Variants in KIAA1958 observed in about 807,000 individuals in gnomAD.
KIAA1958 encodes uncharacterized protein KIAA1958.
A neutral mutation model predicts 47.2 loss-of-function variants in KIAA1958; 14 were observed. The ratio of observed to expected loss-of-function variants is 0.30; its 90% CI spans 0.20 to 0.46. KIAA1958 has a LOEUF of 0.46. KIAA1958 is among the 20% of genes least tolerant of loss of function. The probability of loss-of-function intolerance (pLI) is 1.00; values close to 1 mark genes in which losing one functional copy is unlikely to be tolerated. For missense variants in KIAA1958, 803 were observed against 909.2 expected (o/e 0.88, Z 1.50); for synonymous variants, 354 against 353.3 (o/e 1.00, Z -0.02).
intron 2 of KIAA1958, among the ~76,000 whole-genome samples, chr9:112,575,456 T>C (rs1264411668): frequency 1.3e-5 from 2 of 151,834 alleles, no homozygotes; most frequent in Non-Finnish European, 1.5e-5. Context: ...TGACGTACCT[T>C]AGGGCTGAGA....
At chr9:112,533,510 G>A (rs1431055138) in intron 1 of KIAA1958, among the ~76,000 whole-genome samples, 1 of 149,506 alleles carries the variant, frequency 6.7e-6, no homozygotes, top group Admixed American at 6.7e-5. Context: ...GAACCCGGGA[G>A]ACGGAGCTTG....
chr9:112,621,507 A>G (rs970900428), intron 2 of KIAA1958, among the ~76,000 whole-genome samples: 1 of 152,224 alleles, frequency 6.6e-6, no homozygotes, highest in Non-Finnish European at 1.5e-5. Flanking sequence ...GCAGAACTAG[A>G]AAATGTCAGT....
intron 2 of KIAA1958, among the ~76,000 whole-genome samples, chr9:112,601,501 G>A (rs997834652): frequency 1.2e-4 from 19 of 152,058 alleles, no homozygotes; most frequent in African/African-American, 4.6e-4. Context: ...GACCTATCTG[G>A]GGACTTGTTA....
intron 1 of KIAA1958, among the ~76,000 whole-genome samples, chr9:112,547,308 A>G (rs1256624152): frequency 1.4e-5 from 2 of 147,884 alleles, no homozygotes; most frequent in Non-Finnish European, 3.0e-5. Flanking sequence ...AATCCAAGAG[A>G]TGGAGGTTGC....
chr9:112,563,065 G>GTCTCTCTCTCTCTC (rs1554724186), intron 1 of KIAA1958, among the ~76,000 whole-genome samples: 3 of 126,608 alleles, frequency 2.4e-5, no homozygotes, highest in African/African-American at 9.2e-5. Flanking sequence ...CTCTGTCTCT[G>GTCTCTCTCTCTCTC]TCTCTCTCTC....
chr9:112,626,364 T>TA (rs1244603618), intron 2 of KIAA1958, among the ~76,000 whole-genome samples: 4 of 152,182 alleles, frequency 2.6e-5, no homozygotes, highest in Non-Finnish European at 5.9e-5. Context: ...TTTAAAAAGG[T>TA]ACAGTGTGAT....
At position 112,492,991 on chromosome 9, in the gene KIAA1958, A is replaced by G. The variant is rs76044892; in HGVS notation, c.-25+5873A>G. 5.4e-3 allele frequency among the ~76,000 whole-genome samples: 759 copies of G among 141,076 alleles called. 9 individuals carry two copies. The highest frequency in any genetic ancestry group is 0.019 in the African/African-American group (716 of 37,262). 92.6% of individuals were successfully genotyped at this position (141,076 alleles called of 152,430 possible). ...GGTCTTGAACTCCTGGGCTCATGAT[A>G]TCCTCCTATCTGGGCCTCCCAAAGT... is the stretch of plus-strand genomic sequence containing the variant. On this transcript the variant is annotated intron_variant, in intron 1 of 3. Transcript: ENST00000337530.
At chr9:112,487,606 G>T (rs1472365737) in intron 1 of KIAA1958, among the ~76,000 whole-genome samples, 1 of 152,154 alleles carries the variant, frequency 6.6e-6, no homozygotes, top group Admixed American at 6.5e-5. Context: ...TTTCCTCCTC[G>T]GGTGGCTCGC....
chr9:112,653,629 G>A (rs188761096), intron 3 of KIAA1958, among the ~76,000 whole-genome samples: 3 of 152,200 alleles, frequency 2.0e-5, no homozygotes, highest in Non-Finnish European at 2.9e-5. Context: ...AGCAGGCCAC[G>A]TGCGGTCACA....
chr9:112,586,883 C>G (rs541152457), intron 2 of KIAA1958, among the ~76,000 whole-genome samples: 4 of 152,290 alleles, frequency 2.6e-5, no homozygotes, highest in Non-Finnish European at 4.4e-5. Context: ...TCAAACAAGT[C>G]AGTGTCAGGG....
intron 2 of KIAA1958, among the ~76,000 whole-genome samples, chr9:112,594,500 TGTG>T (rs1459562363): frequency 6.6e-6 from 1 of 152,204 alleles, no homozygotes; most frequent in African/African-American, 2.4e-5. Context: ...AGGTGTACAA[TGTG>T]GTTTCTTAGC....
chr9:112,566,402 C>T (rs1253558206), intron 1 of KIAA1958, among the ~76,000 whole-genome samples: 1 of 152,084 alleles, frequency 6.6e-6, no homozygotes, highest in Non-Finnish European at 1.5e-5. Flanking sequence ...AGAGTTCTCC[C>T]CGCCTTTACA....
intron 1 of KIAA1958, among the ~76,000 whole-genome samples, chr9:112,573,780 C>T (rs1835581101): frequency 6.6e-6 from 1 of 152,114 alleles, no homozygotes. Flanking sequence ...TTTTCTTTCT[C>T]TCCTTTCTTT....
At chr9:112,539,622 T>A (rs1834907329) in intron 1 of KIAA1958, among the ~76,000 whole-genome samples, 1 of 152,036 alleles carries the variant, frequency 6.6e-6, no homozygotes, top group Non-Finnish European at 1.5e-5. Flanking sequence ...TAAAGTCAGA[T>A]TTGCACAGCC....
intron 2 of KIAA1958, among the ~76,000 whole-genome samples, chr9:112,633,855 T>C (rs1836752670): frequency 6.6e-6 from 1 of 152,256 alleles, no homozygotes; most frequent in South Asian, 2.1e-4. Context: ...TTTATAATTT[T>C]ATATGCATAC....
At chr9:112,578,184 C>T (rs1022987883) in intron 2 of KIAA1958, among the ~76,000 whole-genome samples, 1 of 152,028 alleles carries the variant, frequency 6.6e-6, no homozygotes, top group Non-Finnish European at 1.5e-5. Flanking sequence ...ATAAAATTTA[C>T]TTTTTACTTT....
chr9:112,503,698 T>G (rs1769289774), intron 1 of KIAA1958, among the ~76,000 whole-genome samples: 1 of 151,056 alleles, frequency 6.6e-6, no homozygotes, highest in Admixed American at 6.6e-5. Context: ...TTGCAAGAGT[T>G]TGGACAGATA....
chr9:112,579,530 T>C (rs147981538), intron 2 of KIAA1958, among the ~76,000 whole-genome samples: 173 of 152,264 alleles, frequency 1.1e-3, no homozygotes, highest in Non-Finnish European at 1.9e-3. Context: ...CTGAATTGAT[T>C]CAGATACCAC....
Position 112,566,557 on chromosome 9 carries a change from G to T in KIAA1958, c.-24-7500G>T, listed in dbSNP as rs145031395. Reference sequence around the variant, plus strand: ...TAATTGCTTGAGCCTGGGTGTTCAAGAACACAGTGAACTGCATTTCAGCCT... The same window carrying T: ...TAATTGCTTGAGCCTGGGTGTTCAATAACACAGTGAACTGCATTTCAGCCT... On this transcript the variant is annotated intron_variant, in intron 1 of 3. Transcript: ENST00000337530. 1.6e-4 allele frequency among the ~76,000 whole-genome samples: 24 copies of T among 152,310 alleles called. No individual in the cohort carries two copies. In the East Asian group the frequency reaches 4.6e-3, roughly 29 times the overall value.
Sources: allele counts gnomAD v4.1 joint callset (sites outside exome capture counted in the v4.1 genomes callset), GRCh38; gene constraint gnomAD v4.1.1; transcripts MANE v1.5; gene names NCBI Gene and HGNC (gene_info 2026-07-23, HGNC 2026-07-21).